The following PCDHGA5 variants were observed in gnomAD, a reference collection of about 807,000 sequenced individuals.
The protein encoded by PCDHGA5 is protocadherin gamma subfamily A, 5, also known as protocadherin gamma-A5.
In PCDHGA5, 36 loss-of-function variants were observed where a neutral mutation model predicts 56.7. The observed-to-expected ratio is 0.64, with a 90% CI of 0.49 to 0.84. PCDHGA5 has a LOEUF of 0.84. Ranked by LOEUF, PCDHGA5 falls within the 40% of genes least tolerant of loss-of-function variation. The pLI is 0.00. For synonymous variants in PCDHGA5, 563 were observed against 520.2 expected (o/e 1.08, Z -1.12); for missense variants, 1,305 against 1,201.5 (o/e 1.09, Z -1.27).
At chr5:141,450,826 A>C (rs965147554) in intron 1 of PCDHGA5, among the ~76,000 whole-genome samples, 1 of 134,302 alleles carries the variant, frequency 7.4e-6, no homozygotes, top group African/African-American at 2.9e-5. Context: ...TATTATTATT[A>C]TTATTTTTTT....
chr5:141,436,207 A>T (rs544201723), intron 1 of PCDHGA5, among the ~76,000 whole-genome samples: 1 of 152,142 alleles, frequency 6.6e-6, no homozygotes, highest in Admixed American at 6.5e-5. Context: ...ACATAATAGG[A>T]AAACAAATGA....
At chr5:141,388,606 T>G in intron 1 of PCDHGA5, 1 of 1,613,906 alleles carries the variant, frequency 6.2e-7, no homozygotes, top group South Asian at 1.1e-5. Context: ...AATGCTCCAG[T>G]GTTCAGTCAA....
At position 141,487,501 on chromosome 5, in the gene PCDHGA5, T is replaced by C. The variant is rs746285663; in HGVS notation, c.2422-7306T>C. 1.2e-6 allele frequency: 2 copies of C among 1,614,232 alleles called. No individual in the cohort carries two copies. The highest frequency in any genetic ancestry group is 3.3e-5 in the Admixed American group (2 of 60,028). ...ACTCTCATGGCTGTACACCCTTGGC[T>C]TCTGCACCCACTCGGAGTGATAGCT... On this transcript the variant is annotated intron_variant, in intron 1 of 3. Coordinates refer to ENST00000518069, the MANE Select transcript of PCDHGA5 (RefSeq NM_018918.3). The surrounding 1 kb of genome is among the most constrained non-coding windows in gnomAD (Gnocchi z 5.0).
intron 1 of PCDHGA5, among the ~76,000 whole-genome samples, chr5:141,458,215 T>C (rs2098940075): frequency 1.3e-5 from 2 of 152,174 alleles, no homozygotes; most frequent in African/African-American, 2.4e-5. Context: ...TTAAAATAAG[T>C]TTCCTTTCCC....
chr5:141,414,613 G>A (rs957641063), intron 1 of PCDHGA5: 2 of 1,613,988 alleles, frequency 1.2e-6, no homozygotes, highest in East Asian at 4.5e-5. Flanking sequence ...CTCAGTGACA[G>A]CGCTGGACCC....
chr5:141,364,587 C>T lies in PCDHGA5; in HGVS notation c.257C>T (p.Thr86Ile). ...AACCCGCGAAGCGGCAGCTTGGTCA[C>T]CGCGGGCAGGATAGACCGGGAGGAG... ...ALNPRSGSLV[T>I]AGRIDREELC... The change falls in exon 1 of 4, where the codon ACC becomes ATC. Residue 86 changes from threonine to isoleucine, a missense_variant. By Grantham distance (89) the Thr-to-Ile change is moderately conservative. Transcript: ENST00000518069. 3 of 1,614,204 alleles carry T rather than the reference C, an allele frequency of 1.9e-6. No individual in the cohort carries two copies. Among genetic ancestry groups the T allele is most frequent in the Non-Finnish European group, 2.5e-6 (3 of 1,180,006 alleles).
intron 1 of PCDHGA5, chr5:141,422,266 G>A (rs1393466157): frequency 6.4e-7 from 1 of 1,563,654 alleles, no homozygotes; most frequent in Non-Finnish European, 8.6e-7. Context: ...TAACGCTCCA[G>A]AAATAACTAT....
At chr5:141,447,950 G>T (rs1195519095) in intron 1 of PCDHGA5, among the ~76,000 whole-genome samples, 1 of 152,052 alleles carries the variant, frequency 6.6e-6, no homozygotes, top group Non-Finnish European at 1.5e-5. Flanking sequence ...GCTGGGCATG[G>T]TGGCGGACAC....
rs187713374 is a variant in PCDHGA5, at chr5:141,430,744, C to G, written c.2421+63993C>G. 2.5e-4 allele frequency: 380 copies of G among 1,498,404 alleles called. 1 individual carries two copies. In the African/African-American group the frequency reaches 4.6e-3, roughly 18 times the overall value. The allele number at this position is 1,498,404 out of a possible 1,614,324, so 92.8% of individuals were successfully genotyped here. A position where few individuals can be genotyped will look rare whatever the true frequency, so the allele number is the denominator to read the frequency against. ...GTTAAGGGCAGAATTGAAAATAATTCTGGAGGAAGATAAGAATGATTCCTG... is the reference window on the plus strand; with the variant it reads ...GTTAAGGGCAGAATTGAAAATAATTGTGGAGGAAGATAAGAATGATTCCTG... On this transcript the variant is annotated intron_variant, in intron 1 of 3. Coordinates refer to ENST00000518069, the MANE Select transcript of PCDHGA5 (RefSeq NM_018918.3).
chr5:141,479,020 T>C (rs961123768), intron 1 of PCDHGA5, among the ~76,000 whole-genome samples: 1 of 152,236 alleles, frequency 6.6e-6, no homozygotes, highest in African/African-American at 2.4e-5. Flanking sequence ...ATAATTTTCC[T>C]TTGTTTATAC....
chr5:141,372,791 T>C, intron 1 of PCDHGA5: 2 of 1,600,738 alleles, frequency 1.2e-6, no homozygotes, highest in Non-Finnish European at 8.5e-7. Flanking sequence ...TGCCTTCTAA[T>C]TCAGGCAATT....
At chr5:141,465,522 G>A (rs1416012695) in intron 1 of PCDHGA5, among the ~76,000 whole-genome samples, 1 of 152,112 alleles carries the variant, frequency 6.6e-6, no homozygotes, top group Non-Finnish European at 1.5e-5. Context: ...AGGATTCTGG[G>A]GAAGTTTTCC....
intron 1 of PCDHGA5, among the ~76,000 whole-genome samples, chr5:141,457,224 A>G (rs1176186371): frequency 6.6e-6 from 1 of 152,158 alleles, no homozygotes; most frequent in African/African-American, 2.4e-5. Flanking sequence ...GTGGTAGGTA[A>G]TTTCCATCTA....
At chr5:141,388,686 G>A (rs1196254559) in intron 1 of PCDHGA5, 5 of 1,613,980 alleles carry the variant, frequency 3.1e-6, no homozygotes, top group Non-Finnish European at 4.2e-6. Context: ...GACTGCCACG[G>A]ACCAGGATGA....
rs1193620622 is a variant in PCDHGA5, at chr5:141,512,906, G to A, written c.*1733G>A. On this transcript the variant is annotated 3_prime_UTR_variant, in exon 4 of 4. Coordinates refer to ENST00000518069, the MANE Select transcript of PCDHGA5 (RefSeq NM_018918.3). ...CACCCTCTTCCTGTGTCTCACGCAA[G>A]TTTTATACTCTAATATTTATATGGC... 2.0e-5 allele frequency: 3 copies of A among 152,206 alleles called. No homozygotes were observed. Among genetic ancestry groups the A allele is most frequent in the African/African-American group, 7.2e-5 (3 of 41,438 alleles). The allele number at this position is 152,206 out of a possible 1,614,324, so 9.4% of individuals were successfully genotyped here.
intron 1 of PCDHGA5, chr5:141,385,269 T>TAACATCCTTAGATGTTAGA (rs771830831): frequency 1.9e-4 from 313 of 1,614,062 alleles, no homozygotes; most frequent in Non-Finnish European, 2.4e-4. Context: ...AAAATGATTC[T>TAACATCCTTAGATGTTAGA]TTGCTAACAT....
intron 1 of PCDHGA5, chr5:141,405,012 C>T (rs748403581): frequency 1.2e-6 from 2 of 1,614,018 alleles, no homozygotes; most frequent in Non-Finnish European, 8.5e-7. Context: ...CTGGAGGCCT[C>T]AGACCTTACC....
Position 141,491,205 on chromosome 5 carries a change from A to G in PCDHGA5, c.2422-3602A>G, listed in dbSNP as rs2233609. 2,395 of 1,613,578 alleles carry G rather than the reference A, an allele frequency of 1.5e-3. 36 individuals are homozygous for G. The African/African-American group carries it at 0.028, about 19-fold the overall frequency. On this transcript the variant is annotated intron_variant, in intron 1 of 3. Coordinates refer to ENST00000518069, the MANE Select transcript of PCDHGA5 (RefSeq NM_018918.3). This position sits in a 1 kb window ranked among gnomAD's most constrained non-coding sequence, Gnocchi z 6.9. The stretch of plus-strand genomic sequence containing the variant: ...TGGTGAGGGACAATGGTGACCCTTC[A>G]CTCTCCTCCACAGCCACAGTGCTGC...
In PCDHGA5 at chr5:141,432,171, T is replaced by C. The variant is rs114326665; in HGVS notation, c.2422-62636T>C. On this transcript the variant is annotated intron_variant, in intron 1 of 3. Coordinates refer to ENST00000518069, the MANE Select transcript of PCDHGA5 (RefSeq NM_018918.3). This position sits in a 1 kb window ranked among gnomAD's most constrained non-coding sequence, Gnocchi z 6.0. ...GAGAACAATCCCAGAGGAGTTTCCC[T>C]CGTCTCTGTGACCGCCCACGACCCC... The C allele has an allele frequency of 4.4e-5, 71 of 1,614,046 alleles. No individual in the cohort carries two copies. In the African/African-American group the frequency reaches 8.5e-4, roughly 19 times the overall value.
Sources: gnomAD v4.1 joint callset for allele counts (sites outside exome capture counted in the v4.1 genomes callset) on GRCh38, gnomAD v4.1.1 for gene constraint, Gnocchi (gnomAD v3.1) non-coding constraint, MANE v1.5 for transcripts, NCBI Gene and HGNC (gene_info 2026-07-23, HGNC 2026-07-21) for gene names.